LRRC36: variants seen among roughly 807,000 people sequenced by gnomAD.
The protein encoded by LRRC36 is leucine rich repeat containing 36.
LRRC36 carries 62 observed loss-of-function variants against 81.1 expected under a neutral mutation model. The ratio of observed to expected loss-of-function variants is 0.76; its 90% CI spans 0.62 to 0.94. LRRC36 has a LOEUF of 0.94. Ranked by LOEUF, LRRC36 falls within the 40% of genes least tolerant of loss-of-function variation. The pLI is 0.00. For synonymous variants in LRRC36, 334 were observed against 348.6 expected (o/e 0.96, Z 0.47); for missense variants, 761 against 881.7 (o/e 0.86, Z 1.73).
intron 1 of LRRC36, among the ~76,000 whole-genome samples, chr16:67,331,782 G>GT (rs2037503803): frequency 6.6e-6 from 1 of 151,222 alleles, no homozygotes; most frequent in Non-Finnish European, 1.5e-5. Flanking sequence ...GAGGTTGGGA[G>GT]TTTGAGACCA....
intron 5 of LRRC36, among the ~76,000 whole-genome samples, chr16:67,359,588 C>T (rs1445295470): frequency 6.6e-6 from 1 of 152,094 alleles, no homozygotes; most frequent in South Asian, 2.1e-4. Context: ...CTAAAAAACA[C>T]TGAATTGTAC....
At chr16:67,361,909 CT>C (rs2039163998) in intron 5 of LRRC36, among the ~76,000 whole-genome samples, 1 of 151,956 alleles carries the variant, frequency 6.6e-6, no homozygotes, top group South Asian at 2.1e-4. Flanking sequence ...ATTTCCTTTA[CT>C]TTTAAAAAAT....
At chr16:67,358,988 G>A (rs9928183) in intron 5 of LRRC36, among the ~76,000 whole-genome samples, 32,065 of 152,120 alleles carry the variant, frequency 0.21, 7,149 homozygotes, top group African/African-American at 0.56. Flanking sequence ...TAAAAAATAA[G>A]ATATGTTTTG....
intron 5 of LRRC36, 95 bp downstream of exon 5, chr16:67,350,385 A>T: frequency 9.8e-7 from 1 of 1,025,112 alleles, no homozygotes; most frequent in Non-Finnish European, 1.5e-6. Flanking sequence ...CATAGTTGAG[A>T]AAGAACCAAT....
At chr16:67,348,235 C>A (rs1236408462) in intron 4 of LRRC36, among the ~76,000 whole-genome samples, 1 of 152,020 alleles carries the variant, frequency 6.6e-6, no homozygotes, top group African/African-American at 2.4e-5. Context: ...CACTTCATAT[C>A]CTACAATTGA....
intron 5 of LRRC36, among the ~76,000 whole-genome samples, chr16:67,351,347 C>T (rs35310411): frequency 0.021 from 3,122 of 152,262 alleles, 43 homozygotes; most frequent in Middle Eastern, 0.048. Context: ...CGGTTTATAA[C>T]ATGTATTTTA....
At chr16:67,365,131 T>G in intron 6 of LRRC36, 173 bp from the exon 7 acceptor site, 1 of 568,384 alleles carries the variant, frequency 1.8e-6, no homozygotes. Context: ...CTCCTTGTAT[T>G]GTGACTGTTT....
At chr16:67,382,102 T>C (rs2040132073) in intron 12 of LRRC36, 31 bp from the exon 13 acceptor site, 1 of 1,416,744 alleles carries the variant, frequency 7.1e-7, no homozygotes. Flanking sequence ...CTTGGAATCC[T>C]TTTCACCCCT....
At chr16:67,366,000 T>G (rs1395785932) in intron 7 of LRRC36, among the ~76,000 whole-genome samples, 2 of 152,182 alleles carry the variant, frequency 1.3e-5, no homozygotes, top group African/African-American at 4.8e-5. Flanking sequence ...GCACATACTT[T>G]AATGTAGGTC....
chr16:67,381,519 T>A (rs1204243637), intron 12 of LRRC36, among the ~76,000 whole-genome samples: 1 of 152,214 alleles, frequency 6.6e-6, no homozygotes, highest in East Asian at 1.9e-4. Flanking sequence ...TGACTGCCTA[T>A]GCTAAGTGAG....
At chr16:67,341,110 T>TTA (rs1452189608) in intron 1 of LRRC36, among the ~76,000 whole-genome samples, 10 of 110,660 alleles carry the variant, frequency 9.0e-5, no homozygotes, top group African/African-American at 2.8e-4. Flanking sequence ...ACTCTACATA[T>TTA]TCTATAGAAT....
chr16:67,355,620 C>T (rs370189047), intron 5 of LRRC36, among the ~76,000 whole-genome samples: 6 of 151,834 alleles, frequency 4.0e-5, no homozygotes, highest in Non-Finnish European at 8.8e-5. Flanking sequence ...ATGATCCGCC[C>T]GCCTCGGCCT....
intron 1 of LRRC36, 174 bp downstream of exon 1, chr16:67,327,106 G>A (rs1199412550): frequency 1.2e-5 from 7 of 565,248 alleles, no homozygotes; most frequent in East Asian, 1.1e-4. Context: ...GGGAGGTGGA[G>A]GTGGAGGAAC....
intron 13 of LRRC36, 33 bp from the exon 14 acceptor site, chr16:67,384,837 A>G: frequency 6.4e-7 from 1 of 1,573,118 alleles, no homozygotes; most frequent in Non-Finnish European, 8.7e-7. Flanking sequence ...TGCTTTTATG[A>G]TTTCATGACT....
intron 9 of LRRC36, chr16:67,372,173 C>T (rs1027871889): frequency 1.9e-4 from 29 of 151,894 alleles, no homozygotes; most frequent in Admixed American, 1.9e-3. Flanking sequence ...GCCTGAGCAA[C>T]GTGGAGAAAT....
chr16:67,383,014 A>G (rs1332540964), intron 13 of LRRC36, among the ~76,000 whole-genome samples: 2 of 149,390 alleles, frequency 1.3e-5, no homozygotes, highest in African/African-American at 2.5e-5. Flanking sequence ...CGGAGATAGC[A>G]GCAAGCCGAG....
intron 1 of LRRC36, among the ~76,000 whole-genome samples, chr16:67,333,665 C>T (rs558838171): frequency 6.6e-6 from 1 of 152,060 alleles, no homozygotes; most frequent in Non-Finnish European, 1.5e-5. Flanking sequence ...CCTTTTCTGT[C>T]TGGCTTCTTT....
intron 8 of LRRC36, 23 bp downstream of exon 8, chr16:67,367,480 C>A: frequency 6.3e-7 from 1 of 1,584,618 alleles, no homozygotes; most frequent in Admixed American, 1.8e-5. Flanking sequence ...TGTCAGTTTA[C>A]AGGTCTTCTT....
Position 67,363,827 on chromosome 16 carries a change from T to C in LRRC36, c.702+113T>C, listed in dbSNP as rs145844852. 1.8e-4 allele frequency: 205 copies of C among 1,118,298 alleles called. 2 individuals are homozygous for C. In the East Asian group the frequency reaches 4.6e-3, roughly 25 times the overall value. 69.3% of individuals were successfully genotyped at this position (1,118,298 alleles called of 1,614,324 possible). On this transcript the variant is annotated intron_variant, in intron 6 of 13. Transcript: ENST00000329956. ...TCAGAGGACTTGTTTGATGAAGGCATTTTAGACCCTTTTAAAGGAAAGGGC... is the reference window on the plus strand; with the variant it reads ...TCAGAGGACTTGTTTGATGAAGGCACTTTAGACCCTTTTAAAGGAAAGGGC...
Sources: allele counts gnomAD v4.1 joint callset (sites outside exome capture counted in the v4.1 genomes callset), GRCh38; gene constraint gnomAD v4.1.1; transcripts MANE v1.5; gene names NCBI Gene and HGNC (gene_info 2026-07-23, HGNC 2026-07-21).